Variants in SLC35A1 observed in about 807,000 individuals in gnomAD.
SLC35A1 encodes the protein solute carrier family 35 member A1, also known as CMP-sialic acid transporter.
SLC35A1 carries 21 observed loss-of-function variants against 40.3 expected under a neutral mutation model. The observed-to-expected ratio is 0.52, with a 90% CI of 0.37 to 0.75. The LOEUF is 0.75. SLC35A1 is among the 30% of genes least tolerant of loss of function. The probability of loss-of-function intolerance (pLI) is 0.00; values close to 1 mark genes in which losing one functional copy is unlikely to be tolerated. For missense variants in SLC35A1, 297 were observed against 382.1 expected, an observed-to-expected ratio of 0.78 and a Z score of 1.86; for synonymous variants, 146 against 147.3, an observed-to-expected ratio of 0.99 and a Z score of 0.06.
At chr6:87,510,768 G>A (rs1197344732) in intron 7 of SLC35A1, among the ~76,000 whole-genome samples, 3 of 152,014 alleles carry the variant, frequency 2.0e-5, no homozygotes, top group Non-Finnish European at 4.4e-5. Flanking sequence ...CTACTCGAGA[G>A]GCTGAGGAAG....
intron 2 of SLC35A1, among the ~76,000 whole-genome samples, chr6:87,498,039 T>C (rs1490438276): frequency 6.6e-6 from 1 of 152,066 alleles, no homozygotes; most frequent in Non-Finnish European, 1.5e-5. Context: ...GGCTATAATA[T>C]ATTTAACAGG....
intron 2 of SLC35A1, among the ~76,000 whole-genome samples, chr6:87,483,370 G>A (rs770822684): frequency 4.4e-4 from 67 of 152,096 alleles, no homozygotes; most frequent in Admixed American, 9.8e-4. Context: ...CCCCCGAGAA[G>A]AAGCGAAAGG....
At chr6:87,502,341 C>T (rs999371357) in intron 4 of SLC35A1, among the ~76,000 whole-genome samples, 3 of 152,120 alleles carry the variant, frequency 2.0e-5, no homozygotes, top group Non-Finnish European at 2.9e-5. Context: ...TTCTGAATAC[C>T]GGAGACTTGT....
chr6:87,490,576 C>A (rs1769519573), intron 2 of SLC35A1, among the ~76,000 whole-genome samples: 1 of 152,116 alleles, frequency 6.6e-6, no homozygotes, highest in African/African-American at 2.4e-5. Context: ...TCATGATCCA[C>A]CTGCCTCGGC....
At chr6:87,487,380 A>G (rs1769419191) in intron 2 of SLC35A1, among the ~76,000 whole-genome samples, 1 of 152,198 alleles carries the variant, frequency 6.6e-6, no homozygotes, top group Admixed American at 6.5e-5. Flanking sequence ...TAGAATCTGT[A>G]GGACTTCGTG....
intron 2 of SLC35A1, among the ~76,000 whole-genome samples, chr6:87,481,856 C>T (rs1171690781): frequency 6.6e-6 from 1 of 152,180 alleles, no homozygotes; most frequent in African/African-American, 2.4e-5. Context: ...AATATGGTTA[C>T]ACACAGAATT....
chr6:87,478,683 C>A (rs1769152812), intron 2 of SLC35A1, among the ~76,000 whole-genome samples: 1 of 152,164 alleles, frequency 6.6e-6, no homozygotes, highest in Non-Finnish European at 1.5e-5. Flanking sequence ...GGTTCTAGAT[C>A]TTGAAAAGGC....
intron 2 of SLC35A1, among the ~76,000 whole-genome samples, chr6:87,500,174 AATAGTT>A (rs751502052): frequency 6.6e-6 from 1 of 152,208 alleles, no homozygotes; most frequent in Non-Finnish European, 1.5e-5. Context: ...AACTTGATGA[AATAGTT>A]AAAGTAGCAG....
chr6:87,508,396 T>C (rs750176816), intron 5 of SLC35A1, 24 bp from the exon 6 acceptor site: 8 of 1,462,640 alleles, frequency 5.5e-6, no homozygotes, highest in Non-Finnish European at 7.6e-6. Flanking sequence ...ATCTTTAATA[T>C]TTGCATGTCT....
At chr6:87,474,268 C>G (rs1397574081) in intron 1 of SLC35A1, among the ~76,000 whole-genome samples, 1 of 152,200 alleles carries the variant, frequency 6.6e-6, no homozygotes. Flanking sequence ...ACTACAGTTT[C>G]CATAGTTTCC....
chr6:87,474,764 A>G (rs1769020164), intron 1 of SLC35A1, among the ~76,000 whole-genome samples: 1 of 152,196 alleles, frequency 6.6e-6, no homozygotes, highest in Non-Finnish European at 1.5e-5. Context: ...GTCAAAGCCC[A>G]ATCTGTTTTG....
chr6:87,476,690 C>A (rs1769081546), intron 1 of SLC35A1, among the ~76,000 whole-genome samples: 1 of 151,626 alleles, frequency 6.6e-6, no homozygotes, highest in African/African-American at 2.4e-5. Context: ...ACGTCAAGAT[C>A]ATGCCACTGC....
intron 2 of SLC35A1, among the ~76,000 whole-genome samples, chr6:87,496,664 CACTT>C (rs1192901197): frequency 6.6e-6 from 1 of 151,392 alleles, no homozygotes; most frequent in Admixed American, 6.6e-5. Context: ...CCTGTACTCC[CACTT>C]ACTTGGGAGG....
chr6:87,474,373 G>GA (rs936036040), intron 1 of SLC35A1, among the ~76,000 whole-genome samples: 66 of 151,822 alleles, frequency 4.3e-4, no homozygotes, highest in African/African-American at 1.3e-3. Context: ...AAACATAACC[G>GA]AAAAAAAACA....
intron 4 of SLC35A1, among the ~76,000 whole-genome samples, chr6:87,503,006 G>A (rs1455849503): frequency 1.3e-5 from 2 of 152,148 alleles, no homozygotes; most frequent in African/African-American, 4.8e-5. Flanking sequence ...AGCCCCTTGA[G>A]TTATTTCCAG....
intron 3 of SLC35A1, among the ~76,000 whole-genome samples, 184 bp from the exon 4 acceptor site, chr6:87,500,974 C>T (rs1769906824): frequency 6.6e-6 from 1 of 152,080 alleles, no homozygotes. Flanking sequence ...GTCTTGATCT[C>T]CAGACCTCGT....
intron 2 of SLC35A1, among the ~76,000 whole-genome samples, chr6:87,492,153 T>C (rs551554047): frequency 1.3e-5 from 2 of 152,300 alleles, no homozygotes; most frequent in South Asian, 4.1e-4. Context: ...ATCAATAAAA[T>C]TATCGAAATT....
At chr6:87,484,558 T>A (rs2127966158) in intron 2 of SLC35A1, among the ~76,000 whole-genome samples, 1 of 152,258 alleles carries the variant, frequency 6.6e-6, no homozygotes, top group South Asian at 2.1e-4. Flanking sequence ...TCCGATTGGC[T>A]AATTTAAAGA....
At chr6:87,499,068 G>C in intron 2 of SLC35A1, 1 of 928,776 alleles carries the variant, frequency 1.1e-6, no homozygotes, top group Non-Finnish European at 1.3e-6. Flanking sequence ...TAACTAAGAA[G>C]GATGTCTTTT....
Sources: gnomAD v4.1 joint callset for allele counts (sites outside exome capture counted in the v4.1 genomes callset) on GRCh38, gnomAD v4.1.1 for gene constraint, MANE v1.5 for transcripts, NCBI Gene and HGNC (gene_info 2026-07-23, HGNC 2026-07-21) for gene names.